ERO1B: variants seen among roughly 807,000 people sequenced by gnomAD.
ERO1B encodes the protein endoplasmic reticulum oxidoreductase 1 beta.
A neutral mutation model predicts 75.3 loss-of-function variants in ERO1B; 49 were observed. The ratio of observed to expected loss-of-function variants is 0.65; its 90% CI spans 0.52 to 0.83. ERO1B has a LOEUF of 0.83. Among genes scored for constraint, ERO1B ranks in the 40% least tolerant of loss-of-function variants. ERO1B has a pLI of 0.00. For synonymous variants in ERO1B, 191 were observed against 192.9 expected, an observed-to-expected ratio of 0.99 and a Z score of 0.08; for missense variants, 512 against 560.1, an observed-to-expected ratio of 0.91 and a Z score of 0.87.
intron 7 of ERO1B, 94 bp from the exon 8 acceptor site, chr1:236,235,929 C>A: frequency 8.9e-7 from 1 of 1,121,650 alleles, no homozygotes. Context: ...CCCTCCCCAC[C>A]CTCTTTTTTT....
intron 2 of ERO1B, among the ~76,000 whole-genome samples, chr1:236,268,771 A>G (rs1665523683): frequency 6.6e-6 from 1 of 152,052 alleles, no homozygotes; most frequent in South Asian, 2.1e-4. Context: ...CTGTAGTCCC[A>G]GCTACTCGGG....
At chr1:236,269,641 T>C (rs12085224) in intron 2 of ERO1B, among the ~76,000 whole-genome samples, 8,342 of 152,218 alleles carry the variant, frequency 0.055, 732 homozygotes, top group African/African-American at 0.19. Context: ...ATAGAGACAG[T>C]AGTCTCTGCC....
intron 3 of ERO1B, 27 bp from the exon 4 acceptor site, chr1:236,252,118 A>G: frequency 6.8e-7 from 1 of 1,469,582 alleles, no homozygotes; most frequent in Non-Finnish European, 9.5e-7. Flanking sequence ...AAGCAAAAAA[A>G]TTTTTAAGTG....
chr1:236,226,440 C>G lies in ERO1B; in HGVS notation c.881G>C (p.Gly294Ala), dbSNP rs757075087. ...ATTCTTGAGCCTTCTTGGACCTTCT[C>G]CCTTGGTTTCCACAGGGTCAAAGCG... ...KHRFDPVETKGEGPRRLKNLY... is the reference protein window; with the variant it reads ...KHRFDPVETKAEGPRRLKNLY... Residue 294 changes from glycine to alanine, a missense_variant, in exon 12 of 16, where the codon GGA (glycine) becomes GCA (alanine). By Grantham distance (60) the Gly-to-Ala change is moderately conservative. Transcript: ENST00000354619. 6.2e-7 allele frequency: 1 copy of G among 1,614,110 alleles called. No homozygotes were observed. The highest frequency in any genetic ancestry group is 8.5e-7 in the Non-Finnish European group (1 of 1,180,014).
chr1:236,242,197 T>C (rs2463201), intron 6 of ERO1B, among the ~76,000 whole-genome samples: 66,428 of 152,084 alleles, frequency 0.44, 17,129 homozygotes, highest in Non-Finnish European at 0.59. Flanking sequence ...AAGAGTAATA[T>C]ATAGTCACAC....
intron 1 of ERO1B, among the ~76,000 whole-genome samples, chr1:236,271,780 G>A (rs1045787727): frequency 6.6e-6 from 1 of 151,712 alleles, no homozygotes; most frequent in African/African-American, 2.4e-5. Flanking sequence ...TTTTTGTTTT[G>A]TTATCAATTT....
At position 236,216,853 on chromosome 1, in the gene ERO1B, A is replaced by ATACAATACT. The variant is rs769610836; in HGVS notation, c.*1662_*1663insAGTATTGTA. 4.8e-3 allele frequency: 734 copies of ATACAATACT among 152,136 alleles called. 8 individuals are homozygous for ATACAATACT. Among genetic ancestry groups the ATACAATACT allele is most frequent in the African/African-American group, 0.017 (703 of 41,528 alleles). 9.4% of individuals were successfully genotyped at this position (152,136 alleles called of 1,614,324 possible). On this transcript the variant is annotated 3_prime_UTR_variant, in exon 16 of 16. Coordinates refer to ENST00000354619, the MANE Select transcript of ERO1B (RefSeq NM_019891.4). The stretch of plus-strand genomic sequence containing the variant: ...GTCACTTTTTAGACAGTTTGCCTTA[A>ATACAATACT]GGCCCCCCTCCCCCACCATACAATA...
In ERO1B at chr1:236,216,858, C is replaced by T. The variant is rs886223637; in HGVS notation, c.*1658G>A. The T allele has an allele frequency of 4.0e-5, 6 of 151,494 alleles. No homozygotes were observed. Among genetic ancestry groups the T allele is most frequent in the African/African-American group, 1.5e-4 (6 of 41,258 alleles). The allele number at this position is 151,494 out of a possible 1,614,324, so 9.4% of individuals were successfully genotyped here. On this transcript the variant is annotated 3_prime_UTR_variant, in exon 16 of 16. Coordinates refer to ENST00000354619, the MANE Select transcript of ERO1B (RefSeq NM_019891.4). ...TTTTTAGACAGTTTGCCTTAAGGCC[C>T]CCCTCCCCCACCATACAATACTTGC...
At position 236,269,994 on chromosome 1, in the gene ERO1B, CCTAGA is replaced by C; in HGVS notation, c.103-5_103-1del. On this transcript the variant is annotated splice_acceptor_variant and splice_polypyrimidine_tract_variant and intron_variant, in intron 1 of 15. Coordinates refer to ENST00000354619, the MANE Select transcript of ERO1B (RefSeq NM_019891.4). LOFTEE classifies it high-confidence loss of function. ...AAGCAATCATCCAGAACTCCAGTGA[CCTAGA>C]ATTTATATAATTTAAAATATGTAAA... The C allele has an allele frequency of 1.3e-6, 2 of 1,577,542 alleles. No homozygotes were observed. The highest frequency in any genetic ancestry group is 1.7e-6 in the Non-Finnish European group (2 of 1,156,408).
Position 236,236,324 on chromosome 1 carries a change from A to C in ERO1B, c.580T>G (p.Ser194Ala). 6.2e-7 allele frequency: 1 copy of C among 1,613,972 alleles called. No individual in the cohort carries two copies. Among genetic ancestry groups the C allele is most frequent in the Non-Finnish European group, 8.5e-7 (1 of 1,179,980 alleles). ...PERYTGYKGT[S>A]AWRVWNSIYE... ...ATGCTGTTCCACACTCTCCATGCAGAGGTCCCTTTATAGCCAGTGTAACGC... is the reference window on the plus strand; with the variant it reads ...ATGCTGTTCCACACTCTCCATGCAGCGGTCCCTTTATAGCCAGTGTAACGC... The change falls in exon 7 of 16, where the codon TCT becomes GCT. Residue 194 changes from serine to alanine, a missense_variant. Coordinates refer to ENST00000354619, the MANE Select transcript of ERO1B (RefSeq NM_019891.4).
At chr1:236,234,893 G>C (rs905136433) in intron 8 of ERO1B, among the ~76,000 whole-genome samples, 2 of 152,134 alleles carry the variant, frequency 1.3e-5, no homozygotes, top group Admixed American at 6.5e-5. Flanking sequence ...CTGTTCCATT[G>C]AAATATAACG....
At chr1:236,243,274 C>T (rs1258691920) in intron 6 of ERO1B, 148 bp downstream of exon 6, 2 of 505,762 alleles carry the variant, frequency 4.0e-6, no homozygotes, top group East Asian at 3.4e-5. Context: ...GGAACACAGG[C>T]TCTCAATAAA....
At chr1:236,264,473 T>C (rs544848454) in intron 2 of ERO1B, among the ~76,000 whole-genome samples, 12 of 152,306 alleles carry the variant, frequency 7.9e-5, no homozygotes, top group African/African-American at 1.9e-4. Flanking sequence ...TGCCTCTCCA[T>C]TGTCACTTAT....
At chr1:236,260,067 A>C (rs1665259073) in intron 2 of ERO1B, among the ~76,000 whole-genome samples, 1 of 152,208 alleles carries the variant, frequency 6.6e-6, no homozygotes, top group Admixed American at 6.5e-5. Flanking sequence ...AGAAATCAGT[A>C]ATCAATGAAA....
intron 5 of ERO1B, among the ~76,000 whole-genome samples, chr1:236,245,167 T>A (rs10924854): frequency 0.068 from 10,198 of 149,492 alleles, 734 homozygotes; most frequent in East Asian, 0.39. Flanking sequence ...TTTATTTATT[T>A]ATTTTTTTGT....
intron 2 of ERO1B, among the ~76,000 whole-genome samples, chr1:236,266,527 C>T (rs1371177958): frequency 6.6e-6 from 1 of 151,860 alleles, no homozygotes. Context: ...TCACTTGAAC[C>T]TGGGAGGCTG....
chr1:236,259,825 GA>G (rs35606662), intron 2 of ERO1B, among the ~76,000 whole-genome samples: 54,967 of 148,450 alleles, frequency 0.37, 10,401 homozygotes, highest in East Asian at 0.48. Context: ...CACCTAGACA[GA>G]AAAAAAAAAA....
At chr1:236,225,190 T>C (rs1259491819) in intron 12 of ERO1B, 51 bp from the exon 13 acceptor site, 2 of 1,535,724 alleles carry the variant, frequency 1.3e-6, no homozygotes, top group South Asian at 2.3e-5. Context: ...ATCCACGTAC[T>C]CTGTATCAGA....
At chr1:236,241,437 A>C (rs1664698597) in intron 6 of ERO1B, among the ~76,000 whole-genome samples, 1 of 152,138 alleles carries the variant, frequency 6.6e-6, no homozygotes, top group Non-Finnish European at 1.5e-5. Flanking sequence ...AATCCCAGCC[A>C]CTAGGGAGGC....
Sources: gnomAD v4.1 joint callset for allele counts (sites outside exome capture counted in the v4.1 genomes callset) on GRCh38, gnomAD v4.1.1 for gene constraint, MANE v1.5 for transcripts, NCBI Gene and HGNC (gene_info 2026-07-23, HGNC 2026-07-21) for gene names.